The following GALNT10 variants were observed in gnomAD, a reference collection of about 807,000 sequenced individuals.
The protein encoded by GALNT10 is polypeptide N-acetylgalactosaminyltransferase 10, also known as GalNAc transferase 10.
A neutral mutation model predicts 75.0 loss-of-function variants in GALNT10; 41 were observed. That is an observed-to-expected ratio of 0.55 (90% CI 0.43 to 0.71). The LOEUF (loss-of-function observed/expected upper bound fraction) is 0.71, where lower values mean the gene tolerates loss of function less well. Among genes scored for constraint, GALNT10 ranks in the 30% least tolerant of loss-of-function variants. GALNT10 has a pLI of 0.00. For synonymous variants in GALNT10, 302 were observed against 313.0 expected (o/e 0.96, Z 0.37); for missense variants, 727 against 818.5 (o/e 0.89, Z 1.36).
chr5:154,413,162 GA>G, intron 10 of GALNT10, among the ~76,000 whole-genome samples, 157 bp downstream of exon 10: 1 of 152,314 alleles, frequency 6.6e-6, no homozygotes, highest in Middle Eastern at 3.4e-3. Context: ...GAACACCGTG[GA>G]AAGGGGATTC....
In GALNT10 at chr5:154,337,966, C is replaced by T. The variant is rs368584345; in HGVS notation, c.568+8228C>T. On this transcript the variant is annotated intron_variant, in intron 4 of 11. Coordinates refer to ENST00000297107, the MANE Select transcript of GALNT10 (RefSeq NM_198321.4). Reference sequence around the variant, plus strand: ...ACAGTCTTATCCACGGAGTCATGGTCGTCAAAGGTTACAAAGGCAAAGCCC... The same window carrying T: ...ACAGTCTTATCCACGGAGTCATGGTTGTCAAAGGTTACAAAGGCAAAGCCC... The T allele has an allele frequency of 3.7e-5, 59 of 1,576,530 alleles. No homozygotes were observed. In the East Asian group the frequency reaches 6.7e-4, roughly 18 times the overall value.
At chr5:154,303,656 T>C (rs1754391550) in intron 3 of GALNT10, among the ~76,000 whole-genome samples, 1 of 152,174 alleles carries the variant, frequency 6.6e-6, no homozygotes, top group African/African-American at 2.4e-5. Context: ...TAATCAGCCC[T>C]AGACTAAACA....
intron 4 of GALNT10, among the ~76,000 whole-genome samples, chr5:154,374,489 T>C (rs1262427870): frequency 6.6e-6 from 1 of 152,160 alleles, no homozygotes; most frequent in Non-Finnish European, 1.5e-5. Context: ...TTTTCACTCA[T>C]TCATTCATTC....
rs1227255407 is a variant in GALNT10, at chr5:154,352,362, G to A, written c.568+22624G>A. Reference sequence around the variant, plus strand: ...ACATAAAGTTCACCTGTTTAATTTGGGTTTCCACCTGGGGATCCTGGCCCT... The same window carrying A: ...ACATAAAGTTCACCTGTTTAATTTGAGTTTCCACCTGGGGATCCTGGCCCT... On this transcript the variant is annotated intron_variant, in intron 4 of 11. Transcript: ENST00000297107. The surrounding 1 kb of genome is among the most constrained non-coding windows in gnomAD (Gnocchi z 4.4). 6.6e-6 allele frequency among the ~76,000 whole-genome samples: 1 copy of A among 152,180 alleles called. No individual in the cohort carries two copies. Among genetic ancestry groups the A allele is most frequent in the Non-Finnish European group, 1.5e-5 (1 of 68,036 alleles).
rs79213915 is a variant in GALNT10 at position 154,381,210 on chromosome 5, C to T, written c.938+579C>T. Among the ~76,000 whole-genome samples, 257 of 152,298 alleles carry T rather than the reference C, an allele frequency of 1.7e-3. 1 individual carries two copies. The highest frequency in any genetic ancestry group is 5.9e-3 in the African/African-American group (246 of 41,562). ...TTGTCCCACAGCAGAAGTTTGCAGG[C>T]TAGGGGAGGGTGATGGGCTGGACTC... is the stretch of plus-strand genomic sequence containing the variant. On this transcript the variant is annotated intron_variant, in intron 6 of 11. Coordinates refer to ENST00000297107, the MANE Select transcript of GALNT10 (RefSeq NM_198321.4).
At chr5:154,203,733 A>C (rs1363039738) in intron 1 of GALNT10, among the ~76,000 whole-genome samples, 2 of 152,188 alleles carry the variant, frequency 1.3e-5, no homozygotes, top group Non-Finnish European at 2.9e-5. Flanking sequence ...GAGGCTTCCT[A>C]GCAGGACACT....
chr5:154,247,538 T>C (rs1753447887), intron 1 of GALNT10, among the ~76,000 whole-genome samples: 1 of 152,192 alleles, frequency 6.6e-6, no homozygotes, highest in African/African-American at 2.4e-5. Flanking sequence ...TCCTTGTAAG[T>C]TGGATTCCTA....
intron 1 of GALNT10, among the ~76,000 whole-genome samples, chr5:154,193,046 C>A (rs1774883746): frequency 6.6e-6 from 1 of 151,232 alleles, no homozygotes; most frequent in Non-Finnish European, 1.5e-5. Context: ...GCTCAGAGCC[C>A]CTAACTGAAA....
intron 3 of GALNT10, among the ~76,000 whole-genome samples, chr5:154,305,624 T>C (rs555151020): frequency 1.4e-4 from 21 of 152,308 alleles, no homozygotes; most frequent in African/African-American, 4.8e-4. Context: ...AAGAAAGTTA[T>C]TCATAATAAA....
At chr5:154,307,887 G>C (rs1754458657) in intron 3 of GALNT10, among the ~76,000 whole-genome samples, 1 of 151,144 alleles carries the variant, frequency 6.6e-6, no homozygotes, top group African/African-American at 2.4e-5. Flanking sequence ...TACACCCTGA[G>C]CAGGGTTGTA....
chr5:154,202,113 G>A (rs374115369), intron 1 of GALNT10, among the ~76,000 whole-genome samples: 2 of 152,268 alleles, frequency 1.3e-5, no homozygotes, highest in East Asian at 3.9e-4. Context: ...CCACTCCCTG[G>A]TCTGAGGGGA....
intron 1 of GALNT10, among the ~76,000 whole-genome samples, chr5:154,205,052 C>A (rs1397309404): frequency 1.3e-5 from 2 of 152,212 alleles, no homozygotes; most frequent in African/African-American, 4.8e-5. Context: ...CTTCTCACCA[C>A]TCCTCCGTGT....
At chr5:154,343,313 T>C (rs1253839488) in intron 4 of GALNT10, among the ~76,000 whole-genome samples, 2 of 152,058 alleles carry the variant, frequency 1.3e-5, no homozygotes, top group Non-Finnish European at 2.9e-5. Context: ...CATTTTTCAG[T>C]AGGGAAACTG....
At chr5:154,411,450 C>G (rs910224567) in intron 9 of GALNT10, among the ~76,000 whole-genome samples, 1 of 152,188 alleles carries the variant, frequency 6.6e-6, no homozygotes, top group African/African-American at 2.4e-5. Context: ...CTGGGGCCAT[C>G]GGGGAAGACG....
chr5:154,245,560 C>G (rs1472749460), intron 1 of GALNT10, among the ~76,000 whole-genome samples: 1 of 150,480 alleles, frequency 6.6e-6, no homozygotes, highest in Non-Finnish European at 1.5e-5. Context: ...ATTATATAGT[C>G]GTCCTTTAAT....
rs1022018597 is a variant in GALNT10, at chr5:154,420,928, A to G, written c.*3956A>G. ...ATAAGCCTTTGTGAAAGACTGATTT[A>G]CCATGTACAATTGTGATTGTGAACG... On this transcript the variant is annotated 3_prime_UTR_variant, in exon 12 of 12. Transcript: ENST00000297107. 6.6e-6 allele frequency: 1 copy of G among 152,252 alleles called. No homozygotes were observed. Among genetic ancestry groups the G allele is most frequent in the African/African-American group, 2.4e-5 (1 of 41,472 alleles). 9.4% of individuals were successfully genotyped at this position (152,252 alleles called of 1,614,324 possible).
chr5:154,302,888 A>C lies in GALNT10; in HGVS notation c.401+4809A>C, dbSNP rs1754381221. ...TACCTTTACATCCCTAACAGGCTAC[A>C]AAGTGTAATAGAAGCAAGAAGGAAG... is the stretch of plus-strand genomic sequence containing the variant. On this transcript the variant is annotated intron_variant, in intron 3 of 11. Coordinates refer to ENST00000297107, the MANE Select transcript of GALNT10 (RefSeq NM_198321.4). 2.0e-5 allele frequency among the ~76,000 whole-genome samples: 3 copies of C among 152,214 alleles called. No individual in the cohort carries two copies. The South Asian group carries it at 6.2e-4, about 32-fold the overall frequency.
intron 3 of GALNT10, among the ~76,000 whole-genome samples, chr5:154,299,872 T>G (rs1581962646): frequency 6.9e-6 from 1 of 144,660 alleles, no homozygotes; most frequent in African/African-American, 2.6e-5. Context: ...TCTCGCCCTA[T>G]CACCCAGGCT....
chr5:154,338,188 A>G, intron 4 of GALNT10: 1 of 771,418 alleles, frequency 1.3e-6, no homozygotes, highest in Non-Finnish European at 2.3e-6. Flanking sequence ...CAACTCTTCC[A>G]TCCACTTTGT....
Sources: allele counts gnomAD v4.1 joint callset (sites outside exome capture counted in the v4.1 genomes callset), GRCh38; gene constraint gnomAD v4.1.1; non-coding constraint Gnocchi (gnomAD v3.1); transcripts MANE v1.5; gene names NCBI Gene and HGNC (gene_info 2026-07-23, HGNC 2026-07-21).